The following SLC12A2 variants were observed in gnomAD, a reference collection of about 807,000 sequenced individuals.
SLC12A2 encodes the protein Na-K-2Cl cotransporter 1.
In SLC12A2, 67 loss-of-function variants were observed where a neutral mutation model predicts 136.3. The observed-to-expected ratio is 0.49, with a 90% confidence interval of 0.40 to 0.60. SLC12A2 has a LOEUF of 0.60. Among genes scored for constraint, SLC12A2 ranks in the 20% least tolerant of loss-of-function variants. SLC12A2 has a pLI of 0.00. For missense variants in SLC12A2, 1,322 were observed against 1,534.7 expected (o/e 0.86, Z 2.32); for synonymous variants, 619 against 562.9 (o/e 1.10, Z -1.41).
chr5:128,163,230 G>A (rs1250608687), intron 17 of SLC12A2, among the ~76,000 whole-genome samples: 1 of 152,032 alleles, frequency 6.6e-6, no homozygotes, highest in East Asian at 1.9e-4. Flanking sequence ...GTGTGAAGAA[G>A]GCTATATGAA....
At chr5:128,128,481 T>A (rs915149260) in intron 4 of SLC12A2, among the ~76,000 whole-genome samples, 13 of 152,232 alleles carry the variant, frequency 8.5e-5, no homozygotes, top group African/African-American at 3.1e-4. Flanking sequence ...CAGATTTTTT[T>A]AATAAAATTA....
chr5:128,187,122 G>C lies in SLC12A2; in HGVS notation c.*491G>C, dbSNP rs983333204. The C allele has an allele frequency of 6.5e-6, 1 of 153,934 alleles. No individual in the cohort carries two copies. Among genetic ancestry groups the C allele is most frequent in the Non-Finnish European group, 1.5e-5 (1 of 68,868 alleles). The allele number at this position is 153,934 out of a possible 1,614,324, so 9.5% of individuals were successfully genotyped here. On this transcript the variant is annotated 3_prime_UTR_variant, in exon 27 of 27. Coordinates refer to ENST00000262461, the MANE Select transcript of SLC12A2 (RefSeq NM_001046.3). ...CATTGACCATTTAGTGTTGAGTACT[G>C]TATGTGTTTTGTTAATTCTATAAAG...
intron 15 of SLC12A2, among the ~76,000 whole-genome samples, chr5:128,157,339 CCA>C (rs1217266645): frequency 6.6e-6 from 1 of 152,170 alleles, no homozygotes; most frequent in Non-Finnish European, 1.5e-5. Flanking sequence ...GAAAGGCATG[CCA>C]CTGTCTCACA....
At chr5:128,140,548 G>A (rs534841814) in intron 9 of SLC12A2, among the ~76,000 whole-genome samples, 13 of 152,126 alleles carry the variant, frequency 8.5e-5, no homozygotes, top group Middle Eastern at 3.4e-3. Context: ...TTATTTTACC[G>A]TCTAACATTG....
At chr5:128,161,821 C>T in intron 17 of SLC12A2, 21 bp downstream of exon 17, 1 of 1,382,806 alleles carries the variant, frequency 7.2e-7, no homozygotes, top group Non-Finnish European at 9.5e-7. Context: ...TAATGCTTTT[C>T]AAATGCCTAC....
At position 128,114,245 on chromosome 5, in the gene SLC12A2, C is replaced by A. The variant is rs986478859; in HGVS notation, c.910C>A (p.Leu304Ile). The change falls in exon 3 of 27, where the codon CTT (leucine) becomes ATT (isoleucine). Residue 304 changes from leucine (L) to isoleucine (I), a missense_variant. Coordinates refer to ENST00000262461, the MANE Select transcript of SLC12A2 (RefSeq NM_001046.3). ...TATGTTAAACATTTGGGGTGTGATG[C>A]TTTTCATTAGATTGTCATGGATTGT... ...RCMLNIWGVM[L>I]FIRLSWIVGQ... 9 of 1,613,314 alleles carry A rather than the reference C, an allele frequency of 5.6e-6. No individual in the cohort carries two copies. In the East Asian group the frequency reaches 1.6e-4, roughly 28 times the overall value.
At chr5:128,118,107 T>C (rs1009954580) in intron 4 of SLC12A2, among the ~76,000 whole-genome samples, 1 of 152,220 alleles carries the variant, frequency 6.6e-6, no homozygotes, top group Non-Finnish European at 1.5e-5. Context: ...GGAACACTTT[T>C]ACACTGTTGG....
At chr5:128,118,292 C>G (rs1350176817) in intron 4 of SLC12A2, among the ~76,000 whole-genome samples, 1 of 152,086 alleles carries the variant, frequency 6.6e-6, no homozygotes, top group Non-Finnish European at 1.5e-5. Flanking sequence ...CAGTAGAATT[C>G]ACAATTATAA....
intron 9 of SLC12A2, 102 bp downstream of exon 9, chr5:128,139,010 A>G: frequency 1.2e-6 from 1 of 800,088 alleles, no homozygotes; most frequent in East Asian, 2.7e-5. Context: ...AAATACAGAA[A>G]TATTTCAATA....
intron 19 of SLC12A2, among the ~76,000 whole-genome samples, chr5:128,173,029 C>CT (rs1161361026): frequency 6.6e-6 from 1 of 151,518 alleles, no homozygotes; most frequent in Non-Finnish European, 1.5e-5. Context: ...TTTTCTGATA[C>CT]TTTAAGAAAT....
At chr5:128,156,884 T>C (rs953837343) in intron 15 of SLC12A2, among the ~76,000 whole-genome samples, 12 of 152,136 alleles carry the variant, frequency 7.9e-5, no homozygotes, top group Non-Finnish European at 1.6e-4. Context: ...AACATACTTA[T>C]GGGCTATAAG....
chr5:128,142,083 G>T, intron 10 of SLC12A2, 102 bp downstream of exon 10: 1 of 972,834 alleles, frequency 1.0e-6, no homozygotes, highest in East Asian at 2.6e-5. Context: ...ATAGAAGGGA[G>T]GACAGTTGTT....
intron 10 of SLC12A2, among the ~76,000 whole-genome samples, chr5:128,145,215 G>A (rs1353510544): frequency 6.6e-6 from 1 of 152,080 alleles, no homozygotes; most frequent in Non-Finnish European, 1.5e-5. Context: ...TCCTCAACAT[G>A]GAAGAGGAAA....
chr5:128,174,229 T>G (rs950121806), intron 19 of SLC12A2, among the ~76,000 whole-genome samples: 1 of 152,214 alleles, frequency 6.6e-6, no homozygotes. Flanking sequence ...TTTGGAATAT[T>G]TGCATTACAT....
At position 128,110,695 on chromosome 5, in the gene SLC12A2, C is replaced by G. The variant is rs1761112152; in HGVS notation, c.757-2119C>G. The G allele has an allele frequency of 9.2e-6, 13 of 1,416,720 alleles. No individual in the cohort carries two copies. The South Asian group carries it at 1.5e-4, about 16-fold the overall frequency. 87.8% of individuals were successfully genotyped at this position (1,416,720 alleles called of 1,614,324 possible). A position where few individuals can be genotyped will look rare whatever the true frequency, so the allele number is the denominator to read the frequency against. On this transcript the variant is annotated intron_variant, in intron 1 of 26. Transcript: ENST00000262461. The stretch of plus-strand genomic sequence containing the variant: ...ATGAACATTTTTACAATGAGCTCTG[C>G]AGCCCTGGAAACACTACATTCCAGT...
rs78087711 is a variant in SLC12A2 at position 128,160,866 on chromosome 5, T to A, written c.2476-794T>A. Among the ~76,000 whole-genome samples the A allele has an allele frequency of 9.9e-3, 1,497 of 150,716 alleles. 26 individuals carry two copies. The highest frequency in any genetic ancestry group is 0.035 in the African/African-American group (1,414 of 40,938). The stretch of plus-strand genomic sequence containing the variant: ...GTTTGTGTGTGTGTGTGTGTGTGTG[T>A]GAGAGTGCGTGTATGTAGGGTGGTA... On this transcript the variant is annotated intron_variant, in intron 16 of 26. Coordinates refer to ENST00000262461, the MANE Select transcript of SLC12A2 (RefSeq NM_001046.3).
chr5:128,122,032 A>C (rs1427037739), intron 4 of SLC12A2, among the ~76,000 whole-genome samples: 3 of 152,256 alleles, frequency 2.0e-5, no homozygotes, highest in Non-Finnish European at 4.4e-5. Context: ...GCAGCCGTTC[A>C]TAAGATGAAG....
At chr5:128,127,161 AC>A (rs1270742996) in intron 4 of SLC12A2, among the ~76,000 whole-genome samples, 1 of 111,418 alleles carries the variant, frequency 9.0e-6, no homozygotes, top group African/African-American at 3.7e-5. Context: ...TTGCTCTGTC[AC>A]CCAGGCTGGA....
rs1762376687 is a variant in SLC12A2, at chr5:128,141,894, CTG to C, written c.1688_1689del (p.Cys563TyrfsTer10). On this transcript the variant is annotated frameshift_variant, in exon 10 of 27. Coordinates refer to ENST00000262461, the MANE Select transcript of SLC12A2 (RefSeq NM_001046.3). LOFTEE classifies it high-confidence loss of function. Reference protein sequence around the residue: ...NDTIVTELTNCTSAACKLNFD... With the variant: ...NDTIVTELTNXTSAACKLNFD... ...ACACTATCGTAACAGAGCTAACAAA[CTG>C]TACTTCTGCAGCCTGCAAATTAAAC... 1.2e-6 allele frequency: 2 copies of C among 1,613,884 alleles called. No homozygotes were observed. The highest frequency in any genetic ancestry group is 8.5e-7 in the Non-Finnish European group (1 of 1,179,916).
Sources: allele counts gnomAD v4.1 joint callset (sites outside exome capture counted in the v4.1 genomes callset), GRCh38; gene constraint gnomAD v4.1.1; transcripts MANE v1.5; gene names NCBI Gene and HGNC (gene_info 2026-07-23, HGNC 2026-07-21).